DUSP16: variants seen among roughly 807,000 people sequenced by gnomAD.
The protein encoded by DUSP16 is dual specificity phosphatase 16.
A neutral mutation model predicts 58.3 loss-of-function variants in DUSP16; 21 were observed. The observed-to-expected ratio is 0.36, with a 90% CI of 0.26 to 0.52. DUSP16 has a LOEUF of 0.52. DUSP16 is among the 20% of genes least tolerant of loss of function. The probability of loss-of-function intolerance (pLI) is 0.94; values close to 1 mark genes in which losing one functional copy is unlikely to be tolerated. For synonymous variants in DUSP16, 320 were observed against 323.8 expected (o/e 0.99, Z 0.12); for missense variants, 726 against 819.0 (o/e 0.89, Z 1.39).
chr12:12,561,257 T>C (rs1201188077), intron 1 of DUSP16: 1 of 152,210 alleles, frequency 6.6e-6, no homozygotes. Flanking sequence ...GAGGTGTGCT[T>C]TCTCCAATCT....
chr12:12,520,313 C>G (rs1944214095), intron 2 of DUSP16, among the ~76,000 whole-genome samples: 1 of 152,100 alleles, frequency 6.6e-6, no homozygotes, highest in Non-Finnish European at 1.5e-5. Flanking sequence ...CCTAAACAAA[C>G]TTTTTTTAAA....
intron 1 of DUSP16, among the ~76,000 whole-genome samples, chr12:12,558,381 T>G (rs1427468583): frequency 1.7e-5 from 2 of 120,474 alleles, no homozygotes; most frequent in Non-Finnish European, 3.1e-5. Context: ...CCCTCAAGAT[T>G]ATATGTTTTT....
intron 2 of DUSP16, 151 bp downstream of exon 2, chr12:12,520,720 T>A: frequency 1.3e-6 from 1 of 750,606 alleles, no homozygotes; most frequent in East Asian, 2.7e-5. Flanking sequence ...GGACAATAAA[T>A]TATTTTGAGG....
chr12:12,510,589 A>G (rs987301138), intron 3 of DUSP16, among the ~76,000 whole-genome samples: 2 of 152,222 alleles, frequency 1.3e-5, no homozygotes, highest in African/African-American at 2.4e-5. Flanking sequence ...TTCAAAAAAC[A>G]CTTAATAGCA....
At chr12:12,500,478 AAT>A in intron 4 of DUSP16, 39 bp downstream of exon 4, 1 of 1,553,702 alleles carries the variant, frequency 6.4e-7, no homozygotes, top group Non-Finnish European at 8.7e-7. Context: ...TCCAGCTAAC[AAT>A]ATAAACCCAG....
Position 12,487,030 on chromosome 12 carries a change from A to G in DUSP16, c.689T>C (p.Ile230Thr), listed in dbSNP as rs1943695234. ...LPWLDKSVDFIEKAKASNGCV... is the reference protein window; with the variant it reads ...LPWLDKSVDFTEKAKASNGCV... ...GCAATATTATTTGAGCTACTTACCA[A>G]TGAAATCTACTGATTTGTCCAACCA... Residue 230 changes from isoleucine to threonine, a missense_variant and splice_region_variant, in exon 5 of 7, where the codon ATT becomes ACT. Physicochemically the swap from Ile to Thr is moderately conservative, Grantham distance 89. Coordinates refer to ENST00000298573, the MANE Select transcript of DUSP16 (RefSeq NM_030640.3). 4 of 1,613,938 alleles carry G rather than the reference A, an allele frequency of 2.5e-6. No homozygotes were observed. Among genetic ancestry groups the G allele is most frequent in the Non-Finnish European group, 3.4e-6 (4 of 1,179,834 alleles).
At chr12:12,495,748 TGA>T (rs1325787746) in intron 4 of DUSP16, among the ~76,000 whole-genome samples, 1 of 152,250 alleles carries the variant, frequency 6.6e-6, no homozygotes, top group Non-Finnish European at 1.5e-5. Flanking sequence ...TTTTTCTTTC[TGA>T]AGTCAATTCC....
intron 4 of DUSP16, among the ~76,000 whole-genome samples, chr12:12,497,200 G>GT (rs1178696971): frequency 6.6e-6 from 1 of 152,132 alleles, no homozygotes; most frequent in Non-Finnish European, 1.5e-5. Context: ...ATTAAAATTA[G>GT]TTTTGCCCAT....
chr12:12,488,030 A>G, intron 4 of DUSP16, among the ~76,000 whole-genome samples: 1 of 152,218 alleles, frequency 6.6e-6, no homozygotes, highest in Non-Finnish European at 1.5e-5. Flanking sequence ...TGAAGTTTGC[A>G]GTGGTTTTCT....
chr12:12,552,373 G>A (rs1944741571), intron 1 of DUSP16, among the ~76,000 whole-genome samples: 3 of 152,044 alleles, frequency 2.0e-5, no homozygotes, highest in African/African-American at 4.8e-5. Flanking sequence ...TTGAACCCGG[G>A]AGGCAGAGGT....
At chr12:12,505,345 G>T (rs1696269915) in intron 3 of DUSP16, among the ~76,000 whole-genome samples, 1 of 152,262 alleles carries the variant, frequency 6.6e-6, no homozygotes, top group African/African-American at 2.4e-5. Context: ...ACTGATGGAA[G>T]AGCCTTGTTT....
chr12:12,520,384 T>C (rs905537973), intron 2 of DUSP16, among the ~76,000 whole-genome samples: 2 of 152,194 alleles, frequency 1.3e-5, no homozygotes, highest in Admixed American at 1.3e-4. Context: ...ATGAGCTCAT[T>C]TGTATTTGTG....
chr12:12,551,884 G>T (rs1429852901), intron 1 of DUSP16, among the ~76,000 whole-genome samples: 3 of 151,978 alleles, frequency 2.0e-5, no homozygotes, highest in Admixed American at 1.3e-4. Flanking sequence ...AGTAGAGACG[G>T]GGTTTCACCA....
At chr12:12,552,260 A>G (rs1296937515) in intron 1 of DUSP16, among the ~76,000 whole-genome samples, 7 of 151,952 alleles carry the variant, frequency 4.6e-5, no homozygotes, top group Non-Finnish European at 8.8e-5. Flanking sequence ...AGCCTGGTCA[A>G]TATGCTGAAA....
chr12:12,539,915 G>A (rs201908528), intron 1 of DUSP16, among the ~76,000 whole-genome samples: 3 of 151,922 alleles, frequency 2.0e-5, no homozygotes, highest in East Asian at 1.9e-4. Context: ...TTAGCCGGGC[G>A]TGGTAGCATA....
chr12:12,557,371 C>A (rs191322238), intron 1 of DUSP16, among the ~76,000 whole-genome samples: 44 of 151,346 alleles, frequency 2.9e-4, no homozygotes, highest in Non-Finnish European at 2.7e-4. Context: ...GAAGGGGAAT[C>A]GCTTGAACCC....
chr12:12,491,842 C>T (rs868780695), intron 4 of DUSP16, among the ~76,000 whole-genome samples: 1 of 152,184 alleles, frequency 6.6e-6, no homozygotes, highest in Admixed American at 6.5e-5. Flanking sequence ...TTCCAGCTCA[C>T]TCAAGATCTC....
intron 3 of DUSP16, among the ~76,000 whole-genome samples, chr12:12,519,214 T>G (rs1475707394): frequency 2.0e-5 from 3 of 152,232 alleles, no homozygotes. Flanking sequence ...CCAGGAGAGA[T>G]ATAGAATATT....
intron 3 of DUSP16, among the ~76,000 whole-genome samples, chr12:12,515,879 A>G (rs1592188085): frequency 6.6e-6 from 1 of 151,996 alleles, no homozygotes; most frequent in East Asian, 1.9e-4. Context: ...GGGTTCAAGC[A>G]ATTCTCCTGC....
Sources: gnomAD v4.1 joint callset for allele counts (sites outside exome capture counted in the v4.1 genomes callset) on GRCh38, gnomAD v4.1.1 for gene constraint, MANE v1.5 for transcripts, NCBI Gene and HGNC (gene_info 2026-07-23, HGNC 2026-07-21) for gene names.